Variants in EIF3M observed in about 807,000 individuals in gnomAD.
EIF3M encodes the protein eukaryotic translation initiation factor 3 subunit M.
A neutral mutation model predicts 49.7 loss-of-function variants in EIF3M; 25 were observed. The ratio of observed to expected loss-of-function variants is 0.50; its 90% confidence interval spans 0.37 to 0.70. EIF3M has a LOEUF of 0.70. Among genes scored for constraint, EIF3M ranks in the 30% least tolerant of loss-of-function variants. The pLI is 0.00. For synonymous variants in EIF3M, 156 were observed against 149.8 expected (o/e 1.04, Z -0.30); for missense variants, 350 against 440.0 (o/e 0.80, Z 1.83).
Position 32,604,957 on chromosome 11 carries a change from A to G in EIF3M, c.*2558A>G, listed in dbSNP as rs1855327993. 6.6e-6 allele frequency: 1 copy of G among 152,156 alleles called. No individual in the cohort carries two copies. The highest frequency in any genetic ancestry group is 1.5e-5 in the Non-Finnish European group (1 of 68,146). The allele number at this position is 152,156 out of a possible 1,614,324, so 9.4% of individuals were successfully genotyped here. On this transcript the variant is annotated 3_prime_UTR_variant, in exon 11 of 11. Transcript: ENST00000531120. ...AACCTCCACCTCCCAGGTTCAAGCG[A>G]TTCTTCTGCCTCAGCCTCCCGAGTA...
At chr11:32,591,984 C>CATA (rs1294121508) in intron 5 of EIF3M, 1 of 263,876 alleles carries the variant, frequency 3.8e-6, no homozygotes, top group East Asian at 1.1e-4. Flanking sequence ...ATATCCTCCA[C>CATA]TGCTGCCACC....
chr11:32,605,157 A>G lies in EIF3M; in HGVS notation c.*2758A>G, dbSNP rs1197533421. On this transcript the variant is annotated 3_prime_UTR_variant, in exon 11 of 11. Coordinates refer to ENST00000531120, the MANE Select transcript of EIF3M (RefSeq NM_006360.6). ...ATGAGCCACCCTGCCCGACCTAGTA[A>G]TACTTTTTTTTTTTTTTTTTTTTAA... The G allele has an allele frequency of 6.8e-6, 1 of 148,108 alleles. No homozygotes were observed. Among genetic ancestry groups the G allele is most frequent in the Non-Finnish European group, 1.5e-5 (1 of 67,024 alleles). The allele number at this position is 148,108 out of a possible 1,614,324, so 9.2% of individuals were successfully genotyped here.
chr11:32,588,825 ACT>A (rs1160737972), intron 3 of EIF3M, 93 bp downstream of exon 3: 1 of 1,575,252 alleles, frequency 6.3e-7, no homozygotes, highest in Non-Finnish European at 8.6e-7. Flanking sequence ...CTGGAACTTG[ACT>A]CTCAGCTGTG....
At chr11:32,595,439 T>A (rs1295325206) in intron 7 of EIF3M, among the ~76,000 whole-genome samples, 5 of 152,150 alleles carry the variant, frequency 3.3e-5, no homozygotes, top group African/African-American at 1.2e-4. Flanking sequence ...CATGTTGGTC[T>A]GGTCTCCGAC....
chr11:32,603,106 G>T lies in EIF3M; in HGVS notation c.*707G>T. 1 of 1,083,768 alleles carries T rather than the reference G, an allele frequency of 9.2e-7. No individual in the cohort carries two copies. 67.1% of individuals were successfully genotyped at this position (1,083,768 alleles called of 1,614,324 possible). ...GTAAAGCCTCTGCAGTTATGAGTAT[G>T]TGGTAAAACCACCATCTCTTGGCTG... On this transcript the variant is annotated 3_prime_UTR_variant, in exon 11 of 11. Transcript: ENST00000531120.
intron 4 of EIF3M, 100 bp downstream of exon 4, chr11:32,589,235 G>T: frequency 6.6e-7 from 1 of 1,521,116 alleles, no homozygotes; most frequent in Non-Finnish European, 8.8e-7. Flanking sequence ...GGAGTGCAAT[G>T]GCGCAATCTC....
chr11:32,586,705 G>A (rs1855002915), intron 1 of EIF3M, among the ~76,000 whole-genome samples: 1 of 152,138 alleles, frequency 6.6e-6, no homozygotes, highest in East Asian at 1.9e-4. Context: ...AAACCCTTTG[G>A]GTTATATTAT....
intron 2 of EIF3M, 30 bp from the exon 3 acceptor site, chr11:32,588,564 C>A (rs1855041356): frequency 6.2e-7 from 1 of 1,607,102 alleles, no homozygotes; most frequent in African/African-American, 1.4e-5. Flanking sequence ...TGTAGTATCA[C>A]TGTTGATTGT....
intron 8 of EIF3M, 110 bp downstream of exon 8, chr11:32,596,157 C>A: frequency 1.2e-6 from 1 of 804,554 alleles, no homozygotes; most frequent in Non-Finnish European, 1.9e-6. Flanking sequence ...TGTAGATTAT[C>A]CTAAAAGGAG....
rs1855043049 is a variant in EIF3M at position 32,588,661 on chromosome 11, TTTGA to T, written c.248_251del (p.Ile83LysfsTer18). 2 of 1,614,062 alleles carry T rather than the reference TTTGA, an allele frequency of 1.2e-6. No homozygotes were observed. The highest frequency in any genetic ancestry group is 1.1e-5 in the South Asian group (1 of 91,090). On this transcript the variant is annotated frameshift_variant, in exon 3 of 11. Coordinates refer to ENST00000531120, the MANE Select transcript of EIF3M (RefSeq NM_006360.6). LOFTEE classifies it high-confidence loss of function. The stretch of plus-strand genomic sequence containing the variant: ...TCCTGGAACCAGACAAGCAAGAAGC[TTTGA>T]TTGAAAGCCTATGTGAAAAGCTGGT...
chr11:32,596,501 A>G (rs764868231), intron 8 of EIF3M, among the ~76,000 whole-genome samples: 1 of 151,596 alleles, frequency 6.6e-6, no homozygotes, highest in South Asian at 2.1e-4. Flanking sequence ...AGGCTGAGGC[A>G]GGAGAATAGC....
intron 4 of EIF3M, 56 bp from the exon 5 acceptor site, chr11:32,589,491 A>G (rs1057401228): frequency 1.2e-5 from 18 of 1,525,458 alleles, no homozygotes; most frequent in Admixed American, 1.0e-4. Context: ...ATGTACTTTT[A>G]TATGTTATAC....
At chr11:32,595,483 C>T (rs1232501074) in intron 7 of EIF3M, among the ~76,000 whole-genome samples, 1 of 152,216 alleles carries the variant, frequency 6.6e-6, no homozygotes, top group Non-Finnish European at 1.5e-5. Flanking sequence ...GATCTGCCCA[C>T]TTCGGCCTCC....
At chr11:32,599,862 C>T (rs549371747) in intron 8 of EIF3M, among the ~76,000 whole-genome samples, 19 of 151,936 alleles carry the variant, frequency 1.3e-4, no homozygotes, top group African/African-American at 4.3e-4. Context: ...TCTCTTTGCT[C>T]CTCAGTTTTG....
chr11:32,597,255 T>A (rs1026153310), intron 8 of EIF3M, among the ~76,000 whole-genome samples: 1 of 152,240 alleles, frequency 6.6e-6, no homozygotes. Context: ...TGTAGAAGAC[T>A]TTATTCCTTA....
intron 1 of EIF3M, 100 bp from the exon 2 acceptor site, chr11:32,586,912 G>T: frequency 7.1e-7 from 1 of 1,412,966 alleles, no homozygotes; most frequent in African/African-American, 1.4e-5. Context: ...AATAGTTGTT[G>T]AATACAGTAT....
Position 32,588,585 on chromosome 11 carries a change from C to T in EIF3M, c.176-9C>T. ...ATCACTGTTGATTGTGTTATCCATACTTGTGTAGATGTTGAAAGTGTGATG... is the reference window on the plus strand; with the variant it reads ...ATCACTGTTGATTGTGTTATCCATATTTGTGTAGATGTTGAAAGTGTGATG... On this transcript the variant is annotated splice_polypyrimidine_tract_variant and intron_variant, in intron 2 of 10. Transcript: ENST00000531120. The T allele has an allele frequency of 6.2e-7, 1 of 1,612,010 alleles. No homozygotes were observed. Among genetic ancestry groups the T allele is most frequent in the Non-Finnish European group, 8.5e-7 (1 of 1,179,708 alleles).
intron 5 of EIF3M, among the ~76,000 whole-genome samples, chr11:32,589,919 T>C (rs1855074220): frequency 6.6e-6 from 1 of 152,218 alleles, no homozygotes; most frequent in African/African-American, 2.4e-5. Flanking sequence ...CCTACTGCTG[T>C]AGCATGAGCT....
At chr11:32,599,704 TATG>T (rs1205738962) in intron 8 of EIF3M, among the ~76,000 whole-genome samples, 1 of 151,992 alleles carries the variant, frequency 6.6e-6, no homozygotes, top group African/African-American at 2.4e-5. Context: ...AACAAGTATA[TATG>T]ATATTATGTT....
Sources: allele counts gnomAD v4.1 joint callset (sites outside exome capture counted in the v4.1 genomes callset), GRCh38; gene constraint gnomAD v4.1.1; transcripts MANE v1.5; gene names NCBI Gene and HGNC (gene_info 2026-07-23, HGNC 2026-07-21).